CMTM1: variants seen among roughly 807,000 people sequenced by gnomAD.
The protein encoded by CMTM1 is CKLF-like MARVEL transmembrane domain-containing protein 1.
CMTM1 carries 16 observed loss-of-function variants against 17.8 expected under a neutral mutation model. That is an observed-to-expected ratio of 0.90 (90% CI 0.61 to 1.37). The LOEUF (loss-of-function observed/expected upper bound fraction) is 1.37, where lower values mean the gene tolerates loss of function less well. CMTM1 is among the 40% of genes most tolerant of loss of function. The pLI, the probability that CMTM1 is intolerant of heterozygous loss-of-function variation, is 0.00. For missense variants in CMTM1, 354 were observed against 375.6 expected, an observed-to-expected ratio of 0.94 and a Z score of 0.47; for synonymous variants, 169 against 154.6, an observed-to-expected ratio of 1.09 and a Z score of -0.69.
intron 2 of CMTM1, among the ~76,000 whole-genome samples, chr16:66,573,682 T>A (rs2144652273): frequency 6.7e-6 from 1 of 150,026 alleles, no homozygotes; most frequent in African/African-American, 2.4e-5. Flanking sequence ...TTAACGTTTT[T>A]CTTTTTTTTT....
chr16:66,572,755 G>C (rs1456244749), intron 2 of CMTM1, among the ~76,000 whole-genome samples: 6 of 152,166 alleles, frequency 3.9e-5, no homozygotes, highest in Admixed American at 1.3e-4. Context: ...TATGGGATTA[G>C]GGTAAGGAGT....
At chr16:66,570,887 T>C (rs2013419332) in intron 2 of CMTM1, among the ~76,000 whole-genome samples, 1 of 152,208 alleles carries the variant, frequency 6.6e-6, no homozygotes, top group Non-Finnish European at 1.5e-5. Flanking sequence ...TGACACAAAT[T>C]AAATATTCTA....
At chr16:66,577,340 A>G in intron 3 of CMTM1, 138 bp downstream of exon 3, 1 of 608,642 alleles carries the variant, frequency 1.6e-6, no homozygotes, top group Non-Finnish European at 2.9e-6. Context: ...TGACTTCTTC[A>G]GGTGATATGA....
intron 3 of CMTM1, among the ~76,000 whole-genome samples, chr16:66,578,606 A>G (rs1031063226): frequency 2.0e-5 from 3 of 152,166 alleles, no homozygotes; most frequent in African/African-American, 7.2e-5. Flanking sequence ...AAGCGAGGCT[A>G]CTACTGGCAA....
At chr16:66,573,576 G>T (rs1327066018) in intron 2 of CMTM1, among the ~76,000 whole-genome samples, 2 of 151,432 alleles carry the variant, frequency 1.3e-5, no homozygotes, top group Non-Finnish European at 2.9e-5. Context: ...AACAAAAAAT[G>T]AAACCAATGA....
In CMTM1 at chr16:66,566,615, G is replaced by C. The variant is rs2012387742; in HGVS notation, c.102G>C (p.Val34=). 5 of 1,614,040 alleles carry C rather than the reference G, an allele frequency of 3.1e-6. No individual in the cohort carries two copies. The highest frequency in any genetic ancestry group is 4.2e-6 in the Non-Finnish European group (5 of 1,180,004). Residue 34 remains valine (V), a synonymous_variant, in exon 1 of 4, where the codon GTG becomes GTC. Transcript: ENST00000379500. This position sits in a 1 kb window ranked among gnomAD's most constrained non-coding sequence, Gnocchi z 4.9. ...CCCTGGCAAGTAGCGGCAGCGTAGTGAGTTCTGTACCCAAGGCACAGCGCA... is the reference window on the plus strand; with the variant it reads ...CCCTGGCAAGTAGCGGCAGCGTAGTCAGTTCTGTACCCAAGGCACAGCGCA... ...AAALASSGSV[V]SSVPKAQRNI...
chr16:66,574,079 A>G (rs1225042126), intron 2 of CMTM1, among the ~76,000 whole-genome samples: 1 of 151,906 alleles, frequency 6.6e-6, no homozygotes, highest in Non-Finnish European at 1.5e-5. Context: ...TTATAATTCT[A>G]CATGATTTTA....
At chr16:66,577,017 T>C in intron 2 of CMTM1, 87 bp from the exon 3 acceptor site, 1 of 1,198,826 alleles carries the variant, frequency 8.3e-7, no homozygotes, top group Non-Finnish European at 1.2e-6. Flanking sequence ...TAAAGGCATC[T>C]ATTCTTAGAT....
intron 2 of CMTM1, among the ~76,000 whole-genome samples, chr16:66,574,772 A>G (rs978881166): frequency 1.3e-5 from 2 of 152,238 alleles, no homozygotes; most frequent in Admixed American, 6.5e-5. Context: ...ATCTAAGACC[A>G]CAGCTGGTTA....
chr16:66,567,738 A>G (rs1298913279), intron 1 of CMTM1, among the ~76,000 whole-genome samples: 2 of 152,262 alleles, frequency 1.3e-5, no homozygotes, highest in East Asian at 3.8e-4. Flanking sequence ...GGGGGAAGAA[A>G]AGACATATAT....
At chr16:66,567,232 C>T (rs1488619685) in intron 1 of CMTM1, 1 of 497,008 alleles carries the variant, frequency 2.0e-6, no homozygotes. Flanking sequence ...TAGGTATATA[C>T]GCGCCATGGT....
intron 1 of CMTM1, 190 bp downstream of exon 1, chr16:66,567,135 CT>C (rs913505885): frequency 3.1e-6 from 2 of 649,192 alleles, no homozygotes; most frequent in Non-Finnish European, 2.7e-6. Flanking sequence ...AAACTTGCCT[CT>C]TTTTTTCCCT....
At chr16:66,576,812 TG>T (rs1332651760) in intron 2 of CMTM1, among the ~76,000 whole-genome samples, 1 of 152,242 alleles carries the variant, frequency 6.6e-6, no homozygotes, top group African/African-American at 2.4e-5. Context: ...GGTTTTTTCA[TG>T]CTCACTTTCC....
Position 66,569,048 on chromosome 16 carries a change from TAAAA to T in CMTM1, c.433-887_433-884del, listed in dbSNP as rs1217516208. Among the ~76,000 whole-genome samples the T allele has an allele frequency of 5.3e-4, 80 of 152,172 alleles. 1 individual carries two copies. Among genetic ancestry groups the T allele is most frequent in the East Asian group, 1.9e-4 (1 of 5,206 alleles). ...AAGCTTTCCTAGACAAATAACCACT[TAAAA>T]TATAAGAAAATATTTCTGTTTACAA... On this transcript the variant is annotated intron_variant, in intron 1 of 3. Transcript: ENST00000379500.
chr16:66,566,512 C>G lies in CMTM1; in HGVS notation c.-2C>G. On this transcript the variant is annotated 5_prime_UTR_variant, in exon 1 of 4. Coordinates refer to ENST00000379500, the MANE Select transcript of CMTM1 (RefSeq NM_052999.4). This position sits in a 1 kb window ranked among gnomAD's most constrained non-coding sequence, Gnocchi z 4.9. ...CAGACGGCCAGGCCCTAGGGACCCA[C>G]CATGGATCCTGAACACGCCAAACCT... The G allele has an allele frequency of 6.3e-7, 1 of 1,599,060 alleles. No individual in the cohort carries two copies. The highest frequency in any genetic ancestry group is 1.1e-5 in the South Asian group (1 of 89,724).
chr16:66,577,013 C>A, intron 2 of CMTM1, 91 bp from the exon 3 acceptor site: 2 of 1,130,078 alleles, frequency 1.8e-6, no homozygotes, highest in Non-Finnish European at 2.5e-6. Flanking sequence ...TTTTTAAAGG[C>A]ATCTATTCTT....
intron 2 of CMTM1, chr16:66,575,110 T>C: frequency 1.0e-6 from 1 of 985,388 alleles, no homozygotes; most frequent in African/African-American, 1.7e-5. Context: ...ACCAAAACAG[T>C]AGGCATTAGT....
chr16:66,568,310 G>A (rs2012915555), intron 1 of CMTM1, among the ~76,000 whole-genome samples: 2 of 152,154 alleles, frequency 1.3e-5, no homozygotes, highest in South Asian at 4.2e-4. Context: ...AAGTGAAAAT[G>A]AGATTATATC....
Position 66,566,984 on chromosome 16 carries a change from G to A in CMTM1, c.432+39G>A, listed in dbSNP as rs2144585016. ...TGGTGAGACCTAGCTGGGCGGATGT[G>A]GCCGGCAGTGGCCTCGGGGAAATGC... On this transcript the variant is annotated intron_variant, in intron 1 of 3. Coordinates refer to ENST00000379500, the MANE Select transcript of CMTM1 (RefSeq NM_052999.4). The surrounding 1 kb of genome is among the most constrained non-coding windows in gnomAD (Gnocchi z 4.9). 6.2e-7 allele frequency: 1 copy of A among 1,607,564 alleles called. No homozygotes were observed. Among genetic ancestry groups the A allele is most frequent in the East Asian group, 2.2e-5 (1 of 44,814 alleles).
Sources: gnomAD v4.1 joint callset for allele counts (sites outside exome capture counted in the v4.1 genomes callset) on GRCh38, gnomAD v4.1.1 for gene constraint, Gnocchi (gnomAD v3.1) non-coding constraint, MANE v1.5 for transcripts, NCBI Gene and HGNC (gene_info 2026-07-23, HGNC 2026-07-21) for gene names.